The following FCRL1 variants were observed in gnomAD, a reference collection of about 807,000 sequenced individuals.
FCRL1 encodes the protein Fc receptor like 1.
FCRL1 carries 34 observed loss-of-function variants against 49.2 expected under a neutral mutation model. The observed-to-expected ratio is 0.69, with a 90% CI of 0.53 to 0.92. The LOEUF is 0.92. FCRL1 is among the 40% of genes least tolerant of loss of function. FCRL1 has a pLI of 0.00. For synonymous variants in FCRL1, 218 were observed against 201.6 expected (o/e 1.08, Z -0.69); for missense variants, 524 against 524.1 (o/e 1.00, Z 0.00).
At chr1:157,797,000 G>A (rs1651597376) in intron 10 of FCRL1, 101 bp downstream of exon 10, 2 of 1,115,224 alleles carry the variant, frequency 1.8e-6, no homozygotes, top group Admixed American at 3.6e-5. Flanking sequence ...GGTAGACCAT[G>A]GGATTTTTGC....
rs1341280815 is a variant in FCRL1, at chr1:157,796,000, G to A, written c.*99C>T. On this transcript the variant is annotated 3_prime_UTR_variant, in exon 11 of 11. Transcript: ENST00000368176. ...CCATGGAGAATGGCATCCAGAAGAG[G>A]TATACTGGAAAGCTAATGCCCCAGG... is the stretch of plus-strand genomic sequence containing the variant. The A allele has an allele frequency of 1.0e-6, 1 of 970,632 alleles. No homozygotes were observed. Among genetic ancestry groups the A allele is most frequent in the African/African-American group, 1.6e-5 (1 of 62,296 alleles). 60.1% of individuals were successfully genotyped at this position (970,632 alleles called of 1,614,324 possible).
At chr1:157,810,383 A>G (rs1400709021) in intron 1 of FCRL1, among the ~76,000 whole-genome samples, 2 of 150,362 alleles carry the variant, frequency 1.3e-5, no homozygotes, top group Non-Finnish European at 3.0e-5. Flanking sequence ...TGCAACCTCT[A>G]CCTCACAAGT....
intron 4 of FCRL1, 69 bp downstream of exon 4, chr1:157,802,308 T>C (rs1652653537): frequency 6.3e-7 from 1 of 1,583,130 alleles, no homozygotes; most frequent in East Asian, 2.2e-5. Flanking sequence ...AGGGAAACTT[T>C]GTGTGCCCCA....
chr1:157,802,603 TC>T lies in FCRL1; in HGVS notation c.380del (p.Gly127GlufsTer26). ...TQPPGGQVME[G>X]DRLVLICSVA... is the part of the protein sequence containing the mutation. ...CTGAGCAGATGAGGACCAGCCTGTCTCCCTCCATCACCTGTCCTCCTGGGGG... is the reference window on the plus strand; with the variant it reads ...CTGAGCAGATGAGGACCAGCCTGTCTCCTCCATCACCTGTCCTCCTGGGGG... On this transcript the variant is annotated frameshift_variant, in exon 4 of 11. Coordinates refer to ENST00000368176, the MANE Select transcript of FCRL1 (RefSeq NM_052938.5). LOFTEE classifies it high-confidence loss of function. 1 of 1,614,130 alleles carries T rather than the reference TC, an allele frequency of 6.2e-7. No individual in the cohort carries two copies. The highest frequency in any genetic ancestry group is 1.1e-5 in the South Asian group (1 of 91,064).
intron 1 of FCRL1, among the ~76,000 whole-genome samples, chr1:157,819,228 T>C (rs1655463986): frequency 6.6e-6 from 1 of 152,092 alleles, no homozygotes; most frequent in Admixed American, 6.5e-5. Flanking sequence ...TTGCCTGGCA[T>C]TGCTGTTGGC....
intron 3 of FCRL1, 24 bp from the exon 4 acceptor site, chr1:157,802,688 G>A (rs1191026682): frequency 6.2e-7 from 1 of 1,601,510 alleles, no homozygotes; most frequent in Non-Finnish European, 8.5e-7. Flanking sequence ...AGATGACATA[G>A]GAAGACCCTG....
rs910309823 is a variant in FCRL1 at position 157,796,997 on chromosome 1, C to G, written c.1218+104G>C. 4 of 1,063,168 alleles carry G rather than the reference C, an allele frequency of 3.8e-6. No individual in the cohort carries two copies. In the African/African-American group the frequency reaches 6.3e-5, roughly 17 times the overall value. 65.9% of individuals were successfully genotyped at this position (1,063,168 alleles called of 1,614,324 possible). On this transcript the variant is annotated intron_variant, in intron 10 of 10. Transcript: ENST00000368176. The stretch of plus-strand genomic sequence containing the variant: ...TTTGGGATGTAGGGAAGAGGTAGAC[C>G]ATGGGATTTTTGCTCTTTCTAAGTG...
At chr1:157,808,626 G>T (rs1653834869) in intron 1 of FCRL1, among the ~76,000 whole-genome samples, 1 of 152,166 alleles carries the variant, frequency 6.6e-6, no homozygotes, top group African/African-American at 2.4e-5. Flanking sequence ...TTTCATTCTA[G>T]GTGTGATGGG....
rs1160474320 is a variant in FCRL1 at position 157,803,968 on chromosome 1, T to C, written c.196A>G (p.Ser66Gly). 1.2e-6 allele frequency: 2 copies of C among 1,614,164 alleles called. No individual in the cohort carries two copies. The highest frequency in any genetic ancestry group is 2.2e-5 in the South Asian group (2 of 91,080). The stretch of plus-strand genomic sequence containing the variant: ...GCGATCTGGAGCTTGGGGGAGCTGC[T>C]CCAGCCTGGGCCCAAGGCCCGGGTG... ...RDTRALGPGW[S>G]SSPKLQIAAM... The change falls in exon 3 of 11, where the codon AGC becomes GGC. Residue 66 changes from serine (S) to glycine (G), a missense_variant. Coordinates refer to ENST00000368176, the MANE Select transcript of FCRL1 (RefSeq NM_052938.5).
At chr1:157,806,941 G>A in intron 2 of FCRL1, 161 bp downstream of exon 2, 1 of 683,694 alleles carries the variant, frequency 1.5e-6, no homozygotes, top group Non-Finnish European at 2.5e-6. Context: ...GAGCAGCCCA[G>A]GCCCAAGGGA....
rs1431603958 is a variant in FCRL1, at chr1:157,795,565, GT to G, written c.*533del. 1.3e-5 allele frequency: 2 copies of G among 152,460 alleles called. No individual in the cohort carries two copies. The allele number at this position is 152,460 out of a possible 1,614,324, so 9.4% of individuals were successfully genotyped here. On this transcript the variant is annotated 3_prime_UTR_variant, in exon 11 of 11. Coordinates refer to ENST00000368176, the MANE Select transcript of FCRL1 (RefSeq NM_052938.5). ...TCACAATAACTTTTTATGTAACTTT[GT>G]TTTAGTTCTAATTTGGTAACAGTGA...
At chr1:157,803,130 A>G (rs968401158) in intron 3 of FCRL1, among the ~76,000 whole-genome samples, 7 of 152,222 alleles carry the variant, frequency 4.6e-5, no homozygotes, top group Non-Finnish European at 1.0e-4. Flanking sequence ...GGAGGGTTCA[A>G]TTACACAATA....
At chr1:157,816,241 A>C (rs1655003386) in intron 1 of FCRL1, among the ~76,000 whole-genome samples, 1 of 151,984 alleles carries the variant, frequency 6.6e-6, no homozygotes, top group Non-Finnish European at 1.5e-5. Flanking sequence ...CATTTTAAAA[A>C]TTCATTTACC....
At chr1:157,804,230 C>A in intron 2 of FCRL1, 119 bp from the exon 3 acceptor site, 1 of 1,251,208 alleles carries the variant, frequency 8.0e-7, no homozygotes, top group Non-Finnish European at 1.1e-6. Context: ...ACACACAGGC[C>A]ACCCTACATG....
chr1:157,816,526 T>G (rs951016201), intron 1 of FCRL1, among the ~76,000 whole-genome samples: 1 of 151,794 alleles, frequency 6.6e-6, no homozygotes, highest in Non-Finnish European at 1.5e-5. Context: ...CTCTAAAATC[T>G]AGAACAAGAC....
intron 2 of FCRL1, 124 bp from the exon 3 acceptor site, chr1:157,804,235 T>A: frequency 3.5e-6 from 4 of 1,151,298 alleles, no homozygotes; most frequent in Non-Finnish European, 4.8e-6. Context: ...CAGGCCACCC[T>A]ACATGTCTCC....
At position 157,796,183 on chromosome 1, in the gene FCRL1, A is replaced by G. The variant is rs1281508022; in HGVS notation, c.1219-13T>C. On this transcript the variant is annotated splice_polypyrimidine_tract_variant and intron_variant, in intron 10 of 10. Coordinates refer to ENST00000368176, the MANE Select transcript of FCRL1 (RefSeq NM_052938.5). ...TGTCTAAGGAAACCTGGAAGCAAAG[A>G]TTAGGACTAGAGCAGGGAAGACAAG... is the stretch of plus-strand genomic sequence containing the variant. 6.2e-7 allele frequency: 1 copy of G among 1,611,916 alleles called. No homozygotes were observed. Among genetic ancestry groups the G allele is most frequent in the Non-Finnish European group, 8.5e-7 (1 of 1,178,172 alleles).
intron 1 of FCRL1, among the ~76,000 whole-genome samples, chr1:157,813,036 C>T (rs1654541263): frequency 6.6e-6 from 1 of 152,198 alleles, no homozygotes; most frequent in South Asian, 2.1e-4. Context: ...CACTACTATG[C>T]TCACCTGGAA....
intron 1 of FCRL1, among the ~76,000 whole-genome samples, chr1:157,818,420 C>A (rs567183115): frequency 2.0e-5 from 3 of 151,944 alleles, no homozygotes; most frequent in Admixed American, 6.6e-5. Flanking sequence ...ACAAGTACTG[C>A]ATTATCTCAC....
Sources: allele counts gnomAD v4.1 joint callset (sites outside exome capture counted in the v4.1 genomes callset), GRCh38; gene constraint gnomAD v4.1.1; transcripts MANE v1.5; gene names NCBI Gene and HGNC (gene_info 2026-07-23, HGNC 2026-07-21).